The following SDK2 variants were observed in gnomAD, a reference collection of about 807,000 sequenced individuals.
The protein encoded by SDK2 is protein sidekick-2.
A neutral mutation model predicts 253.9 loss-of-function variants in SDK2; 105 were observed. The ratio of observed to expected loss-of-function variants is 0.41; its 90% CI spans 0.35 to 0.49. SDK2 has a LOEUF of 0.49. SDK2 is among the 20% of genes least tolerant of loss of function. The pLI, the probability that SDK2 is intolerant of heterozygous loss-of-function variation, is 0.06. For synonymous variants in SDK2, 1,249 were observed against 1,234.9 expected (o/e 1.01, Z -0.24); for missense variants, 2,608 against 3,003.0 (o/e 0.87, Z 3.07).
intron 1 of SDK2, among the ~76,000 whole-genome samples, chr17:73,525,265 G>C (rs1038844605): frequency 6.6e-6 from 1 of 152,140 alleles, no homozygotes; most frequent in African/African-American, 2.4e-5. Context: ...CAGCCCTCGA[G>C]GGGGTGAACG....
At chr17:73,340,487 GAC>G (rs1033876367) in intron 44 of SDK2, among the ~76,000 whole-genome samples, 5 of 152,108 alleles carry the variant, frequency 3.3e-5, no homozygotes, top group Admixed American at 1.3e-4. Flanking sequence ...TGGCTTCTCT[GAC>G]ACAGTGTCAT....
intron 1 of SDK2, among the ~76,000 whole-genome samples, chr17:73,596,551 C>G (rs1225120400): frequency 1.3e-5 from 2 of 152,314 alleles, no homozygotes; most frequent in Middle Eastern, 3.4e-3. Context: ...AGCGTCCCAG[C>G]CTCTGAAAGG....
intron 5 of SDK2, among the ~76,000 whole-genome samples, chr17:73,445,090 A>C (rs1189584622): frequency 1.3e-5 from 2 of 152,244 alleles, no homozygotes; most frequent in African/African-American, 4.8e-5. Flanking sequence ...ATTTTGTGAA[A>C]TCTAAATACA....
rs767649005 is a variant in SDK2 at position 73,419,275 on chromosome 17, G to A, written c.2077C>T (p.Pro693Ser). The A allele has an allele frequency of 5.6e-6, 9 of 1,612,830 alleles. No homozygotes were observed. The highest frequency in any genetic ancestry group is 2.7e-5 in the African/African-American group (2 of 74,884). The change falls in exon 16 of 45, where the codon CCT (proline) becomes TCT (serine). Residue 693 changes from proline to serine, a missense_variant. Around this residue, in one of 2 missense-constraint regions of SDK2, gnomAD observed 1,505 missense variants for 1,859.1 expected, o/e 0.81. Transcript: ENST00000392650. ...CCGCTGGCGATGACGTTCTGTGGAGGGGCCGTGGGGGGCTCCTCGGGGAGG... is the reference window on the plus strand; with the variant it reads ...CCGCTGGCGATGACGTTCTGTGGAGAGGCCGTGGGGGGCTCCTCGGGGAGG... The part of the protein sequence containing the change: ...VSLPEEPPTA[P>S]PQNVIASGRT...
intron 44 of SDK2, among the ~76,000 whole-genome samples, chr17:73,346,606 C>G (rs2062487022): frequency 6.6e-6 from 1 of 152,166 alleles, no homozygotes; most frequent in African/African-American, 2.4e-5. Context: ...TCTAGCCCAT[C>G]ACCCCCAGCT....
chr17:73,431,586 G>A lies in SDK2; in HGVS notation c.1396C>T (p.His466Tyr). ...ESGSLLISPT[H>Y]ISDAGTYTCL... ...GTGTAGGTCCCCGCATCGGAGATGT[G>A]TGTGGGGCTGATGAGGAGGCTGCCC... Residue 466 changes from histidine to tyrosine, a missense_variant, in exon 11 of 45, where the codon CAC (histidine) becomes TAC (tyrosine). Physicochemically the swap from His to Tyr is moderately conservative, Grantham distance 83. Around this residue, in one of 2 missense-constraint regions of SDK2, gnomAD observed 1,505 missense variants for 1,859.1 expected, o/e 0.81. Coordinates refer to ENST00000392650, the MANE Select transcript of SDK2 (RefSeq NM_001144952.2). The surrounding 1 kb of genome is among the most constrained non-coding windows in gnomAD (Gnocchi z 5.6). The A allele has an allele frequency of 6.2e-7, 1 of 1,613,642 alleles. No individual in the cohort carries two copies. Among genetic ancestry groups the A allele is most frequent in the South Asian group, 1.1e-5 (1 of 91,058 alleles).
intron 44 of SDK2, 85 bp from the exon 45 acceptor site, chr17:73,339,025 G>T: frequency 8.5e-7 from 1 of 1,169,636 alleles, no homozygotes; most frequent in Non-Finnish European, 1.3e-6. Context: ...AGGGCATTCT[G>T]GTTCAAAACT....
chr17:73,469,847 C>A (rs1387131234), intron 3 of SDK2, among the ~76,000 whole-genome samples: 1 of 152,202 alleles, frequency 6.6e-6, no homozygotes, highest in Non-Finnish European at 1.5e-5. Context: ...CCCAGGGAGG[C>A]TGTGTCATTT....
chr17:73,569,738 A>C (rs2045357397), intron 1 of SDK2, among the ~76,000 whole-genome samples: 2 of 151,936 alleles, frequency 1.3e-5, no homozygotes. Context: ...GAAAGATCAG[A>C]CGAGAAAAGA....
intron 1 of SDK2, among the ~76,000 whole-genome samples, chr17:73,545,971 A>T (rs1362632979): frequency 1.3e-5 from 2 of 152,070 alleles, no homozygotes; most frequent in Admixed American, 6.6e-5. Context: ...GGCTTGTGCA[A>T]CCCGGGACTC....
intron 1 of SDK2, among the ~76,000 whole-genome samples, chr17:73,564,040 C>G (rs758036179): frequency 2.6e-5 from 4 of 152,166 alleles, no homozygotes; most frequent in African/African-American, 4.8e-5. Flanking sequence ...TCCCAAAGTG[C>G]TGGAACTACA....
At chr17:73,353,426 T>C (rs2062556253) in intron 40 of SDK2, among the ~76,000 whole-genome samples, 1 of 152,216 alleles carries the variant, frequency 6.6e-6, no homozygotes, top group South Asian at 2.1e-4. Context: ...ATTTTTCTTT[T>C]TTCTTTGTTT....
At chr17:73,453,021 C>A in intron 4 of SDK2, among the ~76,000 whole-genome samples, 1 of 152,222 alleles carries the variant, frequency 6.6e-6, no homozygotes, top group East Asian at 1.9e-4. Flanking sequence ...CCCCTGTTAA[C>A]CTGGGGTGCC....
At chr17:73,426,543 T>C (rs975685928) in intron 12 of SDK2, among the ~76,000 whole-genome samples, 3 of 152,178 alleles carry the variant, frequency 2.0e-5, no homozygotes, top group African/African-American at 7.2e-5. Context: ...GTTTCTAATA[T>C]TATAGTTAAA....
At chr17:73,633,328 G>A (rs751728558) in intron 1 of SDK2, among the ~76,000 whole-genome samples, 3 of 152,050 alleles carry the variant, frequency 2.0e-5, no homozygotes, top group Non-Finnish European at 4.4e-5. Context: ...AATATATAAG[G>A]AAAAGGTCAT....
At chr17:73,576,883 G>C (rs2045464629) in intron 1 of SDK2, among the ~76,000 whole-genome samples, 1 of 152,178 alleles carries the variant, frequency 6.6e-6, no homozygotes, top group Admixed American at 6.5e-5. Context: ...AAAGCATTCT[G>C]TGCAATTCTG....
At position 73,435,382 on chromosome 17, in the gene SDK2, G is replaced by T; in HGVS notation, c.1195+68C>A. ...GCTATGCACAAGAGGCCCCTCGGAAGACCTTGGAAGAAAGCTGCGTCCTGG... is the reference window on the plus strand; with the variant it reads ...GCTATGCACAAGAGGCCCCTCGGAATACCTTGGAAGAAAGCTGCGTCCTGG... On this transcript the variant is annotated intron_variant, in intron 9 of 44. Coordinates refer to ENST00000392650, the MANE Select transcript of SDK2 (RefSeq NM_001144952.2). This position sits in a 1 kb window ranked among gnomAD's most constrained non-coding sequence, Gnocchi z 5.7. 1 of 1,442,096 alleles carries T rather than the reference G, an allele frequency of 6.9e-7. No individual in the cohort carries two copies. Among genetic ancestry groups the T allele is most frequent in the Non-Finnish European group, 9.4e-7 (1 of 1,069,218 alleles). 89.3% of individuals were successfully genotyped at this position (1,442,096 alleles called of 1,614,324 possible). A position where few individuals can be genotyped will look rare whatever the true frequency, so the allele number is the denominator to read the frequency against.
At chr17:73,365,227 G>C (rs767610921) in intron 38 of SDK2, 31 bp downstream of exon 38, 64 of 1,515,424 alleles carry the variant, frequency 4.2e-5, no homozygotes, top group Middle Eastern at 2.0e-4. Flanking sequence ...AAAGTGGGGG[G>C]CTGGGGAGCT....
In SDK2 at chr17:73,383,894, T is replaced by C; in HGVS notation, c.4687A>G (p.Thr1563Ala). Residue 1563 changes from threonine (T) to alanine (A), a missense_variant, in exon 33 of 45, where the codon ACA (threonine) becomes GCA (alanine). Thr to Ala is a moderately conservative substitution (Grantham distance 58). Coordinates refer to ENST00000392650, the MANE Select transcript of SDK2 (RefSeq NM_001144952.2). The surrounding 1 kb of genome is among the most constrained non-coding windows in gnomAD (Gnocchi z 4.3). ...CACTCACAGGTAAGCTCAGCCCATG[T>C]GGCCCCTGGGTTGTTGATGCCTCGA... Reference protein sequence around the residue: ...TLRGINNPGATWAELTSMYSM... With the variant: ...TLRGINNPGAAWAELTSMYSM... 1 of 1,613,982 alleles carries C rather than the reference T, an allele frequency of 6.2e-7. No individual in the cohort carries two copies. The highest frequency in any genetic ancestry group is 8.5e-7 in the Non-Finnish European group (1 of 1,179,882).
Sources: gnomAD v4.1 joint callset for allele counts (sites outside exome capture counted in the v4.1 genomes callset) on GRCh38, gnomAD v4.1.1 for gene constraint, gnomAD v4.1.1 regional missense constraint, Gnocchi (gnomAD v3.1) non-coding constraint, MANE v1.5 for transcripts, NCBI Gene and HGNC (gene_info 2026-07-23, HGNC 2026-07-21) for gene names.